The following ARMC3 variants were observed in gnomAD, a reference collection of about 807,000 sequenced individuals.
ARMC3 encodes the protein armadillo repeat containing 3.
Under a neutral mutation model 90.3 loss-of-function variants are expected in ARMC3, and 74 were observed. The ratio of observed to expected loss-of-function variants is 0.82; its 90% CI spans 0.68 to 0.99. The LOEUF (loss-of-function observed/expected upper bound fraction) is 0.99. ARMC3 is among the 50% of genes least tolerant of loss of function. The pLI is 0.00. For synonymous variants in ARMC3, 334 were observed against 361.8 expected (o/e 0.92, Z 0.87); for missense variants, 958 against 1,042.8 (o/e 0.92, Z 1.12).
At position 23,024,391 on chromosome 10, in the gene ARMC3, C is replaced by CATATAGATAG. The variant is rs747069779; in HGVS notation, c.2046-6204_2046-6203insTATAGATAGA. ...AAGGATTAGGAAGAAAGAGGAATGCCACATAGATAGATAGATAGATAGATA... is the reference window on the plus strand; with the variant it reads ...AAGGATTAGGAAGAAAGAGGAATGCCATATAGATAGACATAGATAGATAGATAGATAGATA... On this transcript the variant is annotated intron_variant, in intron 16 of 18. Transcript: ENST00000298032. 9.2e-3 allele frequency among the ~76,000 whole-genome samples: 1,238 copies of CATATAGATAG among 134,652 alleles called. 15 individuals are homozygous for CATATAGATAG. The highest frequency in any genetic ancestry group is 0.032 in the African/African-American group (1,185 of 36,992). The allele number at this position is 134,652 out of a possible 152,430, so 88.3% of individuals were successfully genotyped here.
At chr10:22,993,651 G>C (rs1836813907) in intron 10 of ARMC3, among the ~76,000 whole-genome samples, 1 of 152,140 alleles carries the variant, frequency 6.6e-6, no homozygotes. Context: ...TTACCTCTAA[G>C]AGGTAAGTAC....
rs573721949 is a variant in ARMC3, at chr10:23,030,412, A to G, written c.2046-184A>G. ...TTGTGGAATGCGGAACCCATGGATA[A>G]GAAGGGCCAACTGTATTTACTGAAA... On this transcript the variant is annotated intron_variant, in intron 16 of 18. Coordinates refer to ENST00000298032, the MANE Select transcript of ARMC3 (RefSeq NM_173081.5). 2.3e-4 allele frequency among the ~76,000 whole-genome samples: 35 copies of G among 152,304 alleles called. 1 individual carries two copies. In the South Asian group the frequency reaches 7.3e-3, roughly 32 times the overall value.
At chr10:23,016,755 T>C (rs1474098978) in intron 16 of ARMC3, among the ~76,000 whole-genome samples, 2 of 152,230 alleles carry the variant, frequency 1.3e-5, no homozygotes, top group African/African-American at 4.8e-5. Flanking sequence ...TTTTTAATCA[T>C]TCATAAGATT....
chr10:23,035,862 T>G (rs1380531075), intron 18 of ARMC3, among the ~76,000 whole-genome samples: 1 of 152,168 alleles, frequency 6.6e-6, no homozygotes. Flanking sequence ...CCCTTCCATC[T>G]GCACTGCTCC....
At chr10:22,961,099 A>G (rs1460896569) in intron 6 of ARMC3, 1 of 152,270 alleles carries the variant, frequency 6.6e-6, no homozygotes, top group African/African-American at 2.4e-5. Context: ...AATTCAACCC[A>G]TGACAAAAAG....
intron 8 of ARMC3, among the ~76,000 whole-genome samples, chr10:22,978,090 T>TACCA (rs1836009985): frequency 6.6e-6 from 1 of 152,216 alleles, no homozygotes; most frequent in Non-Finnish European, 1.5e-5. Flanking sequence ...CTCTTAACTC[T>TACCA]TATTATCTGG....
At chr10:22,989,993 G>T (rs1836631520) in intron 10 of ARMC3, among the ~76,000 whole-genome samples, 1 of 152,180 alleles carries the variant, frequency 6.6e-6, no homozygotes, top group South Asian at 2.1e-4. Context: ...ATTTTGTGAG[G>T]CCAAGTGAAT....
Position 22,981,411 on chromosome 10 carries a change from G to A in ARMC3, c.988G>A (p.Asp330Asn), listed in dbSNP as rs535847291. The A allele has an allele frequency of 6.8e-6, 11 of 1,613,908 alleles. No homozygotes were observed. In the Admixed American group the frequency reaches 1.7e-4, roughly 24 times the overall value. ...TGTAGCCCTTTTGGGTTCTGAAAAT[G>A]ATGGAACTAAAATTGCTGCTTCCCA... ...CLVALLGSEN[D>N]GTKIAASQAI... The change falls in exon 9 of 19, where the codon GAT becomes AAT. Residue 330 changes from aspartate to asparagine, a missense_variant. Asp to Asn is a conservative substitution (Grantham distance 23). Transcript: ENST00000298032.
intron 16 of ARMC3, among the ~76,000 whole-genome samples, chr10:23,012,860 C>T (rs1299820981): frequency 6.6e-6 from 1 of 151,378 alleles, no homozygotes; most frequent in East Asian, 1.9e-4. Context: ...GTCCTCCATG[C>T]ATGTGCCCCC....
intron 10 of ARMC3, among the ~76,000 whole-genome samples, chr10:22,985,079 A>G (rs55727318): frequency 0.22 from 24,532 of 110,014 alleles, 2,315 homozygotes; most frequent in Middle Eastern, 0.31. Context: ...TTTTTTAGAG[A>G]TGGGGTCTTA....
chr10:22,937,298 T>C (rs1159481159), intron 2 of ARMC3, among the ~76,000 whole-genome samples: 1 of 152,220 alleles, frequency 6.6e-6, no homozygotes, highest in East Asian at 1.9e-4. Flanking sequence ...TGTATTTTCG[T>C]ATACTCTACC....
chr10:22,928,695 T>C (rs1201529931), intron 1 of ARMC3, among the ~76,000 whole-genome samples: 1 of 152,232 alleles, frequency 6.6e-6, no homozygotes, highest in African/African-American at 2.4e-5. Context: ...CCTGTCCATA[T>C]TTCCAGAAAA....
At chr10:23,019,052 C>G (rs1201002817) in intron 16 of ARMC3, among the ~76,000 whole-genome samples, 2 of 152,224 alleles carry the variant, frequency 1.3e-5, no homozygotes, top group African/African-American at 4.8e-5. Context: ...TGTGGGCTCT[C>G]AGCTAGCAGT....
chr10:22,983,523 A>G (rs1218784652), intron 10 of ARMC3, among the ~76,000 whole-genome samples: 1 of 152,166 alleles, frequency 6.6e-6, no homozygotes, highest in African/African-American at 2.4e-5. Flanking sequence ...TCTTTAACCT[A>G]TTATATACTG....
chr10:23,028,920 T>G (rs892219852), intron 16 of ARMC3, among the ~76,000 whole-genome samples: 1 of 152,220 alleles, frequency 6.6e-6, no homozygotes, highest in Non-Finnish European at 1.5e-5. Flanking sequence ...TTTTTCTGAT[T>G]CTTTGGGGAC....
intron 8 of ARMC3, among the ~76,000 whole-genome samples, chr10:22,972,863 G>T (rs1166733253): frequency 6.6e-6 from 1 of 152,098 alleles, no homozygotes; most frequent in South Asian, 2.1e-4. Context: ...TTCCATTTCA[G>T]TCTTATGCAG....
intron 16 of ARMC3, among the ~76,000 whole-genome samples, chr10:23,013,856 T>C (rs1400546234): frequency 1.2e-5 from 1 of 83,686 alleles, no homozygotes; most frequent in Non-Finnish European, 2.4e-5. Context: ...GGGACCACGC[T>C]TTTTTTTTTA....
At chr10:22,931,974 C>T (rs200200310) in intron 1 of ARMC3, 22 bp from the exon 2 acceptor site, 15 of 1,590,678 alleles carry the variant, frequency 9.4e-6, no homozygotes, top group African/African-American at 1.4e-5. Flanking sequence ...TCACTTTAAC[C>T]ATATATTGCA....
At chr10:22,991,564 C>A (rs1836710295) in intron 10 of ARMC3, among the ~76,000 whole-genome samples, 2 of 151,982 alleles carry the variant, frequency 1.3e-5, no homozygotes, top group South Asian at 4.2e-4. Flanking sequence ...AGGAACACAT[C>A]AGGCCTACAT....
Sources: allele counts gnomAD v4.1 joint callset (sites outside exome capture counted in the v4.1 genomes callset), GRCh38; gene constraint gnomAD v4.1.1; transcripts MANE v1.5; gene names NCBI Gene and HGNC (gene_info 2026-07-23, HGNC 2026-07-21).